Variants in DGKI observed in about 807,000 individuals in gnomAD.
The protein encoded by DGKI is DAG kinase iota.
Under a neutral mutation model 147.5 loss-of-function variants are expected in DGKI, and 55 were observed. That is an observed-to-expected ratio of 0.37 (90% CI 0.30 to 0.47). The LOEUF (loss-of-function observed/expected upper bound fraction) is 0.47. Ranked by LOEUF, DGKI falls within the 20% of genes least tolerant of loss-of-function variation. The probability of loss-of-function intolerance (pLI) is 1.00; values close to 1 mark genes in which losing one functional copy is unlikely to be tolerated. For synonymous variants in DGKI, 469 were observed against 477.1 expected (o/e 0.98, Z 0.22); for missense variants, 1,007 against 1,323.8 (o/e 0.76, Z 3.71).
intron 1 of DGKI, among the ~76,000 whole-genome samples, chr7:137,720,460 G>A (rs914861248): frequency 6.6e-5 from 10 of 151,744 alleles, no homozygotes; most frequent in East Asian, 1.9e-4. Context: ...GGGTTTCACC[G>A]TGTTAGCCAG....
chr7:137,843,770 C>CACAA (rs1798624502), intron 1 of DGKI, among the ~76,000 whole-genome samples: 1 of 150,866 alleles, frequency 6.6e-6, no homozygotes, highest in African/African-American at 2.4e-5. Flanking sequence ...CACACACACA[C>CACAA]ACACACACAC....
At chr7:137,667,490 A>G (rs1822680135) in intron 3 of DGKI, among the ~76,000 whole-genome samples, 2 of 152,174 alleles carry the variant, frequency 1.3e-5, no homozygotes, top group Non-Finnish European at 2.9e-5. Flanking sequence ...TGCCTTTTTC[A>G]GTCCTTGCTG....
intron 1 of DGKI, among the ~76,000 whole-genome samples, chr7:137,835,751 G>A (rs1798359269): frequency 6.6e-6 from 1 of 152,172 alleles, no homozygotes; most frequent in Non-Finnish European, 1.5e-5. Flanking sequence ...TGTCCATTGT[G>A]ATAAACCAGT....
In DGKI at chr7:137,464,179, C is replaced by T. The variant is rs555119420; in HGVS notation, c.2613-568G>A. ...GGCTGAGGCAGGACAATGGCATGAA[C>T]CCGGGAGGCGGAGCTTGCAGTGAGC... On this transcript the variant is annotated intron_variant, in intron 26 of 32. Transcript: ENST00000614521. Among the ~76,000 whole-genome samples, 5 of 150,828 alleles carry T rather than the reference C, an allele frequency of 3.3e-5. No individual in the cohort carries two copies. The East Asian group carries it at 9.9e-4, about 30-fold the overall frequency.
chr7:137,626,165 C>T (rs1264594230), intron 6 of DGKI, among the ~76,000 whole-genome samples: 1 of 152,122 alleles, frequency 6.6e-6, no homozygotes, highest in Non-Finnish European at 1.5e-5. Flanking sequence ...GATATTAGCA[C>T]TATACACTGA....
intron 20 of DGKI, among the ~76,000 whole-genome samples, chr7:137,531,894 A>G (rs1817351198): frequency 6.6e-6 from 1 of 152,198 alleles, no homozygotes; most frequent in African/African-American, 2.4e-5. Context: ...ATAGTTGCTA[A>G]CCCTCTAGTA....
intron 20 of DGKI, among the ~76,000 whole-genome samples, chr7:137,523,451 T>TCTCTCTCA (rs139843465): frequency 1.3e-5 from 2 of 151,086 alleles, no homozygotes; most frequent in South Asian, 4.2e-4. Flanking sequence ...TCTCTCTCTC[T>TCTCTCTCA]CACACACACA....
intron 1 of DGKI, among the ~76,000 whole-genome samples, chr7:137,789,394 T>C (rs1434392048): frequency 6.6e-6 from 1 of 152,136 alleles, no homozygotes; most frequent in African/African-American, 2.4e-5. Context: ...GCATCCGTAA[T>C]GGGATTGTTG....
chr7:137,702,989 C>T (rs945805982), intron 1 of DGKI, among the ~76,000 whole-genome samples: 1 of 152,120 alleles, frequency 6.6e-6, no homozygotes, highest in African/African-American at 2.4e-5. Flanking sequence ...TTTCAGAAAG[C>T]TTCAACGTAT....
intron 21 of DGKI, among the ~76,000 whole-genome samples, chr7:137,517,626 G>T (rs1448694786): frequency 7.2e-5 from 11 of 152,086 alleles, no homozygotes; most frequent in Non-Finnish European, 1.5e-4. Context: ...GAGAAAAACT[G>T]GGGGAGGAAT....
chr7:137,609,180 T>TTTTTTTTTTTTTTTTTTTG, intron 9 of DGKI, 116 bp from the exon 10 acceptor site: 1 of 711,340 alleles, frequency 1.4e-6, no homozygotes, highest in African/African-American at 1.8e-5. Context: ...GGCTGACTCT[T>TTTTTTTTTTTTTTTTTTTG]AACACGACTT....
At chr7:137,810,381 A>G (rs1797523501) in intron 1 of DGKI, among the ~76,000 whole-genome samples, 1 of 152,200 alleles carries the variant, frequency 6.6e-6, no homozygotes, top group Non-Finnish European at 1.5e-5. Context: ...TAAGGAAAAG[A>G]AAACGAAACT....
chr7:137,680,108 G>A (rs1823182845), intron 2 of DGKI, among the ~76,000 whole-genome samples: 1 of 152,030 alleles, frequency 6.6e-6, no homozygotes, highest in Admixed American at 6.6e-5. Context: ...CTCATAATGG[G>A]ATTAGTGTCC....
chr7:137,412,054 G>A, intron 29 of DGKI, 116 bp downstream of exon 29: 1 of 994,860 alleles, frequency 1.0e-6, no homozygotes, highest in Non-Finnish European at 1.6e-6. Flanking sequence ...CTTCTACCCA[G>A]CCAGTGCAAG....
At chr7:137,612,040 A>G (rs1393004859) in intron 8 of DGKI, among the ~76,000 whole-genome samples, 1 of 152,184 alleles carries the variant, frequency 6.6e-6, no homozygotes, top group East Asian at 1.9e-4. Context: ...CTAACGCATC[A>G]GGCTAAGATT....
chr7:137,791,434 T>G (rs1796852413), intron 1 of DGKI, among the ~76,000 whole-genome samples: 1 of 152,156 alleles, frequency 6.6e-6, no homozygotes, highest in South Asian at 2.1e-4. Context: ...TATTAAACAC[T>G]AAAGAAAAGG....
intron 1 of DGKI, among the ~76,000 whole-genome samples, chr7:137,833,332 T>C (rs1585548720): frequency 6.6e-6 from 1 of 152,298 alleles, no homozygotes; most frequent in East Asian, 1.9e-4. Context: ...CTCACAATCA[T>C]GGCAAAGTCA....
At chr7:137,688,785 T>A (rs568195205) in intron 2 of DGKI, among the ~76,000 whole-genome samples, 4 of 152,334 alleles carry the variant, frequency 2.6e-5, no homozygotes, top group Admixed American at 2.0e-4. Flanking sequence ...TAAATAGCTG[T>A]CCTGGAATAA....
chr7:137,578,986 C>A (rs1819082391), intron 15 of DGKI, among the ~76,000 whole-genome samples: 1 of 152,158 alleles, frequency 6.6e-6, no homozygotes, highest in Admixed American at 6.5e-5. Flanking sequence ...GCTATATTTA[C>A]ATCTGTGCTA....
Sources: allele counts gnomAD v4.1 joint callset (sites outside exome capture counted in the v4.1 genomes callset), GRCh38; gene constraint gnomAD v4.1.1; transcripts MANE v1.5; gene names NCBI Gene and HGNC (gene_info 2026-07-23, HGNC 2026-07-21).